The following C8orf34 variants were observed in gnomAD, a reference collection of about 807,000 sequenced individuals.
C8orf34 encodes chromosome 8 open reading frame 34, also known as uncharacterized protein C8orf34.
In C8orf34, 65 loss-of-function variants were observed where a neutral mutation model predicts 68.3. The observed-to-expected ratio is 0.95, with a 90% confidence interval of 0.78 to 1.17. The LOEUF is 1.17. C8orf34 is among the 50% of genes most tolerant of loss of function. The probability of loss-of-function intolerance (pLI) is 0.00; values close to 1 mark genes in which losing one functional copy is unlikely to be tolerated. For synonymous variants in C8orf34, 244 were observed against 241.2 expected, an observed-to-expected ratio of 1.01 and a Z score of -0.11; for missense variants, 664 against 655.4, an observed-to-expected ratio of 1.01 and a Z score of -0.14.
chr8:68,635,934 A>G (rs1192305109), intron 7 of C8orf34, among the ~76,000 whole-genome samples: 1 of 152,146 alleles, frequency 6.6e-6, no homozygotes, highest in African/African-American at 2.4e-5. Flanking sequence ...ACAAGCAGAG[A>G]ATATTTATCT....
chr8:68,527,601 G>A (rs1240670313), intron 6 of C8orf34, among the ~76,000 whole-genome samples: 3 of 152,086 alleles, frequency 2.0e-5, no homozygotes, highest in African/African-American at 4.8e-5. Flanking sequence ...AATTAATGAG[G>A]AAACTAAGTC....
chr8:68,726,350 G>C (rs955269105), intron 10 of C8orf34, among the ~76,000 whole-genome samples: 4 of 152,294 alleles, frequency 2.6e-5, no homozygotes, highest in Non-Finnish European at 4.4e-5. Flanking sequence ...CCTTGCTCAG[G>C]TTTTTCGGAA....
chr8:68,415,606 C>T (rs987832745), intron 1 of C8orf34, among the ~76,000 whole-genome samples: 1 of 152,142 alleles, frequency 6.6e-6, no homozygotes, highest in Non-Finnish European at 1.5e-5. Context: ...GTTATTTAAC[C>T]CACTCTGGAA....
intron 12 of C8orf34, among the ~76,000 whole-genome samples, chr8:68,801,165 T>C (rs1278084288): frequency 6.6e-6 from 1 of 152,190 alleles, no homozygotes; most frequent in Admixed American, 6.5e-5. Flanking sequence ...ATCTTTGTAT[T>C]GTAATGTTTA....
intron 9 of C8orf34, among the ~76,000 whole-genome samples, chr8:68,719,570 A>G (rs1821609767): frequency 6.6e-6 from 1 of 151,962 alleles, no homozygotes; most frequent in Non-Finnish European, 1.5e-5. Context: ...GCCATATAGT[A>G]TTTGTTGAAT....
intron 9 of C8orf34, among the ~76,000 whole-genome samples, chr8:68,717,038 T>C (rs1337922621): frequency 6.6e-6 from 1 of 151,872 alleles, no homozygotes; most frequent in East Asian, 2.0e-4. Context: ...TTTGTAGAGA[T>C]TGAAGATTTC....
At chr8:68,404,268 A>G (rs1319543823) in intron 1 of C8orf34, among the ~76,000 whole-genome samples, 1 of 151,540 alleles carries the variant, frequency 6.6e-6, no homozygotes. Context: ...TAGATTCTGG[A>G]TATTAGCCCT....
At chr8:68,743,796 A>T (rs940463464) in intron 10 of C8orf34, among the ~76,000 whole-genome samples, 1 of 152,182 alleles carries the variant, frequency 6.6e-6, no homozygotes, top group Non-Finnish European at 1.5e-5. Context: ...AGGCGGCAGC[A>T]AGGCTGGGGG....
intron 3 of C8orf34, among the ~76,000 whole-genome samples, chr8:68,468,337 T>C (rs1227263731): frequency 6.6e-6 from 1 of 152,064 alleles, no homozygotes; most frequent in Non-Finnish European, 1.5e-5. Flanking sequence ...TACTTAATAA[T>C]TACCAGTTGC....
chr8:68,589,728 GGAGA>G (rs1554582119), intron 7 of C8orf34, among the ~76,000 whole-genome samples: 1 of 144,860 alleles, frequency 6.9e-6, no homozygotes, highest in East Asian at 2.1e-4. Context: ...AGGAAGGAAG[GGAGA>G]GAGAAGGGAG....
chr8:68,454,363 G>T (rs1196380733), intron 3 of C8orf34, among the ~76,000 whole-genome samples: 1 of 151,980 alleles, frequency 6.6e-6, no homozygotes, highest in African/African-American at 2.4e-5. Flanking sequence ...TAAATGCTGG[G>T]TTGAATTTAC....
chr8:68,561,371 A>G (rs1554578324), intron 7 of C8orf34, among the ~76,000 whole-genome samples: 1 of 151,634 alleles, frequency 6.6e-6, no homozygotes, highest in Non-Finnish European at 1.5e-5. Context: ...ACAAAAAAAA[A>G]TCTTTCCTTT....
rs1184581406 is a variant in C8orf34 at position 68,419,582 on chromosome 8, T to C, written c.328-19917T>C. On this transcript the variant is annotated intron_variant, in intron 1 of 13. Coordinates refer to ENST00000518698, the MANE Select transcript of C8orf34 (RefSeq NM_052958.4). ...AGCAAAGACTTGGAACCAACCCAAATGTCCAACAATGATAGACTGGATTAA... is the reference window on the plus strand; with the variant it reads ...AGCAAAGACTTGGAACCAACCCAAACGTCCAACAATGATAGACTGGATTAA... Among the ~76,000 whole-genome samples, 4 of 151,714 alleles carry C rather than the reference T, an allele frequency of 2.6e-5. No homozygotes were observed. In the East Asian group the frequency reaches 7.7e-4, roughly 29 times the overall value.
intron 7 of C8orf34, among the ~76,000 whole-genome samples, chr8:68,630,437 A>G (rs7832690): frequency 0.02 from 3,107 of 152,284 alleles, 102 homozygotes; most frequent in African/African-American, 0.068. Flanking sequence ...TCAAGCACTC[A>G]GTAATAACAT....
intron 4 of C8orf34, among the ~76,000 whole-genome samples, chr8:68,477,592 A>G (rs747733146): frequency 6.6e-6 from 1 of 152,188 alleles, no homozygotes; most frequent in Non-Finnish European, 1.5e-5. Flanking sequence ...AGCCACAGAC[A>G]CTCAATGCCA....
intron 5 of C8orf34, among the ~76,000 whole-genome samples, chr8:68,513,717 CT>C (rs1563498324): frequency 6.6e-6 from 1 of 152,230 alleles, no homozygotes; most frequent in Non-Finnish European, 1.5e-5. Context: ...AGCTGAACCC[CT>C]TGTCCAGGGA....
chr8:68,724,336 GTCA>G (rs1392612537), intron 10 of C8orf34, among the ~76,000 whole-genome samples: 1 of 152,072 alleles, frequency 6.6e-6, no homozygotes, highest in Non-Finnish European at 1.5e-5. Context: ...CAAATTTTGA[GTCA>G]TATCCTGTAC....
chr8:68,624,147 C>T (rs1818466855), intron 7 of C8orf34, among the ~76,000 whole-genome samples: 1 of 151,662 alleles, frequency 6.6e-6, no homozygotes, highest in Admixed American at 6.6e-5. Flanking sequence ...TGGTGCACGC[C>T]TGTAATCCCA....
chr8:68,656,733 C>G (rs759767215), intron 8 of C8orf34, among the ~76,000 whole-genome samples: 5 of 152,174 alleles, frequency 3.3e-5, no homozygotes, highest in Non-Finnish European at 7.3e-5. Flanking sequence ...CCCCTTTACT[C>G]CAACCCAGTC....
Sources: gnomAD v4.1 joint callset for allele counts (sites outside exome capture counted in the v4.1 genomes callset) on GRCh38, gnomAD v4.1.1 for gene constraint, MANE v1.5 for transcripts, NCBI Gene and HGNC (gene_info 2026-07-23, HGNC 2026-07-21) for gene names.